The following PRKG1 variants were observed in gnomAD, a reference collection of about 807,000 sequenced individuals.
PRKG1 encodes the protein cGMP-dependent protein kinase 1.
PRKG1 carries 35 observed loss-of-function variants against 88.1 expected under a neutral mutation model. The ratio of observed to expected loss-of-function variants is 0.40; its 90% CI spans 0.30 to 0.53. PRKG1 has a LOEUF of 0.53. PRKG1 is among the 20% of genes least tolerant of loss of function. The probability of loss-of-function intolerance (pLI) is 0.59; values close to 1 mark genes in which losing one functional copy is unlikely to be tolerated. For synonymous variants in PRKG1, 303 were observed against 292.5 expected (o/e 1.04, Z -0.37); for missense variants, 540 against 839.8 (o/e 0.64, Z 4.41).
At chr10:51,461,255 A>G (rs1473914945) in intron 2 of PRKG1, among the ~76,000 whole-genome samples, 1 of 152,102 alleles carries the variant, frequency 6.6e-6, no homozygotes, top group African/African-American at 2.4e-5. Flanking sequence ...TCCATCTCAC[A>G]TTGTTTCATT....
chr10:51,997,968 T>C (rs1414726286), intron 5 of PRKG1, among the ~76,000 whole-genome samples: 1 of 152,164 alleles, frequency 6.6e-6, no homozygotes, highest in African/African-American at 2.4e-5. Context: ...TTTTCCTCTT[T>C]TCTATTCTCA....
At chr10:52,261,831 G>T (rs1413506112) in intron 10 of PRKG1, among the ~76,000 whole-genome samples, 2 of 152,088 alleles carry the variant, frequency 1.3e-5, no homozygotes, top group Non-Finnish European at 2.9e-5. Flanking sequence ...GTTAAGAAAT[G>T]TATATAATCC....
intron 2 of PRKG1, among the ~76,000 whole-genome samples, chr10:51,460,349 G>A (rs556715270): frequency 1.3e-5 from 2 of 152,156 alleles, no homozygotes; most frequent in South Asian, 4.2e-4. Context: ...AAGCAATTAC[G>A]GAAATAGCCA....
At chr10:51,516,834 G>T (rs1841599710) in intron 3 of PRKG1, among the ~76,000 whole-genome samples, 1 of 152,176 alleles carries the variant, frequency 6.6e-6, no homozygotes, top group Non-Finnish European at 1.5e-5. Context: ...AAACAGAAGA[G>T]GTTTGTACAT....
In PRKG1 at chr10:51,374,093, A is replaced by AAAAATATATATATATATATATATATAT; in HGVS notation, c.479-93629_479-93628insAAATATATATATATATATATATATATA. Among the ~76,000 whole-genome samples, 602 of 99,476 alleles carry AAAAATATATATATATATATATATATAT rather than the reference A, an allele frequency of 6.1e-3. 7 individuals carry two copies. Among genetic ancestry groups the AAAAATATATATATATATATATATATAT allele is most frequent in the South Asian group, 0.011 (26 of 2,324 alleles). 65.3% of individuals were successfully genotyped at this position (99,476 alleles called of 152,430 possible). ...GCTGGCAGAGGTTGCAAAAAAAAAA[A>AAAAATATATATATATATATATATATAT]ATATATATATATATATATATGTACT... On this transcript the variant is annotated intron_variant, in intron 2 of 17. Coordinates refer to ENST00000373980, the MANE Select transcript of PRKG1 (RefSeq NM_006258.4).
At chr10:51,164,564 T>G (rs1249509653) in intron 2 of PRKG1, among the ~76,000 whole-genome samples, 1 of 151,938 alleles carries the variant, frequency 6.6e-6, no homozygotes, top group Non-Finnish European at 1.5e-5. Flanking sequence ...CTTTCACGAG[T>G]TGAGAGAAGA....
At chr10:51,183,607 A>C (rs554026636) in intron 2 of PRKG1, among the ~76,000 whole-genome samples, 1 of 152,342 alleles carries the variant, frequency 6.6e-6, no homozygotes, top group Admixed American at 6.5e-5. Flanking sequence ...CTACTTACCC[A>C]AGATCAAGGT....
chr10:51,276,217 T>C (rs1840112976), intron 2 of PRKG1, among the ~76,000 whole-genome samples: 1 of 152,180 alleles, frequency 6.6e-6, no homozygotes, highest in African/African-American at 2.4e-5. Flanking sequence ...ATGCGGTGTT[T>C]GGTTTTTCGT....
intron 2 of PRKG1, among the ~76,000 whole-genome samples, chr10:51,198,363 T>G (rs1181640477): frequency 6.6e-6 from 1 of 152,168 alleles, no homozygotes; most frequent in Admixed American, 6.5e-5. Context: ...TAAGGGAAGA[T>G]ATTTGGACTG....
At chr10:52,035,726 A>C (rs527966485) in intron 5 of PRKG1, among the ~76,000 whole-genome samples, 1 of 152,198 alleles carries the variant, frequency 6.6e-6, no homozygotes, top group East Asian at 1.9e-4. Context: ...GGGGAGCAGA[A>C]AGTATGTGCG....
At chr10:51,938,446 A>T (rs1425076267) in intron 5 of PRKG1, among the ~76,000 whole-genome samples, 1 of 151,940 alleles carries the variant, frequency 6.6e-6, no homozygotes, top group Non-Finnish European at 1.5e-5. Flanking sequence ...CTTTTTATGA[A>T]TCTGAACCTA....
intron 1 of PRKG1, among the ~76,000 whole-genome samples, chr10:51,096,044 T>C (rs888399647): frequency 5.9e-5 from 9 of 152,104 alleles, no homozygotes; most frequent in Non-Finnish European, 1.2e-4. Context: ...ATCAAAGTTG[T>C]GTGTGTGTGA....
chr10:51,922,019 C>G (rs990347223), intron 5 of PRKG1, among the ~76,000 whole-genome samples: 3 of 151,638 alleles, frequency 2.0e-5, no homozygotes, highest in African/African-American at 7.3e-5. Flanking sequence ...GTAGAATTTA[C>G]CTGTGAATCT....
At chr10:51,933,951 G>A (rs913094893) in intron 5 of PRKG1, among the ~76,000 whole-genome samples, 2 of 151,902 alleles carry the variant, frequency 1.3e-5, no homozygotes, top group African/African-American at 2.4e-5. Flanking sequence ...TAGTTAGGAA[G>A]CATTATTTGA....
chr10:52,292,669 T>C (rs1842278477), intron 17 of PRKG1, among the ~76,000 whole-genome samples: 1 of 152,160 alleles, frequency 6.6e-6, no homozygotes. Flanking sequence ...ACTCTAGCCT[T>C]GTAGTATAGA....
At chr10:51,897,775 T>C (rs542793834) in intron 4 of PRKG1, among the ~76,000 whole-genome samples, 232 of 152,218 alleles carry the variant, frequency 1.5e-3, no homozygotes, top group African/African-American at 5.3e-3. Context: ...TGTCCAGCCC[T>C]CCATCCTCTG....
intron 5 of PRKG1, among the ~76,000 whole-genome samples, chr10:52,035,897 G>A (rs1845596577): frequency 6.6e-6 from 1 of 152,192 alleles, no homozygotes; most frequent in Non-Finnish European, 1.5e-5. Flanking sequence ...CAAGTTGTTT[G>A]GACAGAAAGG....
chr10:51,745,600 A>G (rs1030420662), intron 3 of PRKG1, among the ~76,000 whole-genome samples: 1 of 152,204 alleles, frequency 6.6e-6, no homozygotes, highest in African/African-American at 2.4e-5. Context: ...GGTAAATGTT[A>G]CCATACTCTA....
At chr10:51,430,379 C>G (rs1288188870) in intron 2 of PRKG1, among the ~76,000 whole-genome samples, 1 of 152,254 alleles carries the variant, frequency 6.6e-6, no homozygotes, top group East Asian at 1.9e-4. Flanking sequence ...TGAGATTGCA[C>G]CACTGCACTC....
Sources: allele counts gnomAD v4.1 joint callset (sites outside exome capture counted in the v4.1 genomes callset), GRCh38; gene constraint gnomAD v4.1.1; transcripts MANE v1.5; gene names NCBI Gene and HGNC (gene_info 2026-07-23, HGNC 2026-07-21).